NAP1L4: variants seen among roughly 807,000 people sequenced by gnomAD.
The protein encoded by NAP1L4 is nucleosome assembly protein 1 like 4, also known as nucleosome assembly protein 1-like 4.
A neutral mutation model predicts 58.2 loss-of-function variants in NAP1L4; 15 were observed. The ratio of observed to expected loss-of-function variants is 0.26; its 90% CI spans 0.17 to 0.40. NAP1L4 has a LOEUF of 0.40. NAP1L4 is among the 10% of genes least tolerant of loss of function. NAP1L4 has a pLI of 1.00. For missense variants in NAP1L4, 384 were observed against 451.1 expected (o/e 0.85, Z 1.35); for synonymous variants, 171 against 155.6 (o/e 1.10, Z -0.74).
intron 5 of NAP1L4, 56 bp downstream of exon 5, chr11:2,972,046 C>A (rs1195072846): frequency 2.6e-5 from 38 of 1,461,010 alleles, no homozygotes; most frequent in Non-Finnish European, 3.2e-5. Context: ...TTATCGGAAC[C>A]TAACACCTTC....
At position 2,971,966 on chromosome 11, in the gene NAP1L4, A is replaced by C; in HGVS notation, c.315+136T>G. 3.8e-5 allele frequency: 30 copies of C among 780,794 alleles called. No individual in the cohort carries two copies. Among genetic ancestry groups the C allele is most frequent in the Non-Finnish European group, 5.6e-5 (29 of 519,452 alleles). The allele number at this position is 780,794 out of a possible 1,614,324, so 48.4% of individuals were successfully genotyped here. A position where few individuals can be genotyped will look rare whatever the true frequency, so the allele number is the denominator to read the frequency against. On this transcript the variant is annotated intron_variant, in intron 5 of 15. Transcript: ENST00000380542. This position sits in a 1 kb window ranked among gnomAD's most constrained non-coding sequence, Gnocchi z 4.2. The stretch of plus-strand genomic sequence containing the variant: ...TTAGCGTTCTGAGCTTGTTTAAGGT[A>C]GTCTAGACTAAGCTATGTTTGGCAG...
Position 2,965,543 on chromosome 11 carries a change from C to A in NAP1L4, c.535-792G>T, listed in dbSNP as rs191066342. The stretch of plus-strand genomic sequence containing the variant: ...GACTGTATCCAAAACTCACAATACA[C>A]ACAGTCACTTCTTTATTTTTTTTGA... On this transcript the variant is annotated intron_variant, in intron 7 of 15. Coordinates refer to ENST00000380542, the MANE Select transcript of NAP1L4 (RefSeq NM_005969.4). 4.2e-3 allele frequency among the ~76,000 whole-genome samples: 636 copies of A among 152,254 alleles called. 4 individuals carry two copies. The highest frequency in any genetic ancestry group is 9.2e-3 in the Admixed American group (140 of 15,290).
At chr11:2,977,534 G>A (rs1473856793) in intron 3 of NAP1L4, among the ~76,000 whole-genome samples, 2 of 152,218 alleles carry the variant, frequency 1.3e-5, no homozygotes, top group Non-Finnish European at 2.9e-5. Flanking sequence ...AAGGTAGGGA[G>A]ATGACTCTAG....
chr11:2,990,709 T>A, intron 1 of NAP1L4: 1 of 160,536 alleles, frequency 6.2e-6, no homozygotes. Context: ...CTCGGACAAG[T>A]CATTATACCT....
At chr11:2,970,203 G>A (rs1316024728) in intron 6 of NAP1L4, among the ~76,000 whole-genome samples, 3 of 152,164 alleles carry the variant, frequency 2.0e-5, no homozygotes, top group East Asian at 1.9e-4. Context: ...TGCCACCGAC[G>A]CTGGGAAAGG....
At position 2,972,155 on chromosome 11, in the gene NAP1L4, C is replaced by A; in HGVS notation, c.262G>T (p.Val88Leu). The change falls in exon 5 of 16, where the codon GTA becomes TTA. Residue 88 changes from valine (V) to leucine (L), a missense_variant. Physicochemically the swap from Val to Leu is conservative, Grantham distance 32 (BLOSUM62 1). Coordinates refer to ENST00000380542, the MANE Select transcript of NAP1L4 (RefSeq NM_005969.4). ...GCATACTTTCTTTCCAAGTCATGTACCTCTTCATAGAACTTGGCTTCTATG... is the reference window on the plus strand; with the variant it reads ...GCATACTTTCTTTCCAAGTCATGTAACTCTTCATAGAACTTGGCTTCTATG... ...AHIEAKFYEEVHDLERKYAAL... is the reference protein window; with the variant it reads ...AHIEAKFYEELHDLERKYAAL... 6.2e-7 allele frequency: 1 copy of A among 1,606,524 alleles called. No homozygotes were observed. The highest frequency in any genetic ancestry group is 8.5e-7 in the Non-Finnish European group (1 of 1,177,854).
intron 10 of NAP1L4, among the ~76,000 whole-genome samples, chr11:2,957,986 G>A (rs1846642168): frequency 6.6e-6 from 1 of 152,224 alleles, no homozygotes; most frequent in Admixed American, 6.5e-5. Flanking sequence ...CTCCGAGGCT[G>A]GGAGTGGTCC....
chr11:2,951,860 C>T lies in NAP1L4; in HGVS notation c.1036-51G>A, dbSNP rs752897464. On this transcript the variant is annotated intron_variant, in intron 12 of 15. Transcript: ENST00000380542. This position sits in a 1 kb window ranked among gnomAD's most constrained non-coding sequence, Gnocchi z 4.0. ...TAGGTTTACAAAACATGACAGCAGC[C>T]TGCCCAAGACACCAGTCCCATCAAG... The T allele has an allele frequency of 1.9e-6, 3 of 1,560,182 alleles. No homozygotes were observed. The South Asian group carries it at 3.4e-5, about 17-fold the overall frequency.
In NAP1L4 at chr11:2,971,546, T is replaced by C. The variant is rs1847636988; in HGVS notation, c.316-12A>G. 1 of 1,608,542 alleles carries C rather than the reference T, an allele frequency of 6.2e-7. No individual in the cohort carries two copies. Among genetic ancestry groups the C allele is most frequent in the Non-Finnish European group, 8.5e-7 (1 of 1,176,440 alleles). ...ATAAATTCTCTTCTCTACATAAAAA[T>C]GAGACCTTATTAGAATTATGTTATT... On this transcript the variant is annotated splice_polypyrimidine_tract_variant and intron_variant, in intron 5 of 15. Transcript: ENST00000380542. This position sits in a 1 kb window ranked among gnomAD's most constrained non-coding sequence, Gnocchi z 4.2.
rs371544355 is a variant in NAP1L4, at chr11:2,948,485, G to A, written c.*32+742C>T. On this transcript the variant is annotated intron_variant, in intron 15 of 15. Coordinates refer to ENST00000380542, the MANE Select transcript of NAP1L4 (RefSeq NM_005969.4). This position sits in a 1 kb window ranked among gnomAD's most constrained non-coding sequence, Gnocchi z 5.1. ...CGAGTGCCACGAGTGAACAGGTCTC[G>A]TCACGGGCAAGAGCCTCTGTCTACT... 1.3e-4 allele frequency among the ~76,000 whole-genome samples: 20 copies of A among 152,280 alleles called. No individual in the cohort carries two copies. In the East Asian group the frequency reaches 3.3e-3, roughly 25 times the overall value.
intron 1 of NAP1L4, among the ~76,000 whole-genome samples, chr11:2,986,189 C>G (rs752217695): frequency 6.6e-6 from 1 of 151,918 alleles, no homozygotes; most frequent in Non-Finnish European, 1.5e-5. Context: ...GCCTGGCCAA[C>G]GTGGTGAAAT....
In NAP1L4 at chr11:2,955,340, G is replaced by A. The variant is rs1348686337; in HGVS notation, c.915+404C>T. On this transcript the variant is annotated intron_variant, in intron 11 of 15. Transcript: ENST00000380542. This position sits in a 1 kb window ranked among gnomAD's most constrained non-coding sequence, Gnocchi z 4.2. ...GCCTCCTGAGTAGCTGAGATTACAG[G>A]CGCTGCCACCGTGTCCAACTAATTT... 6.6e-6 allele frequency among the ~76,000 whole-genome samples: 1 copy of A among 151,892 alleles called. No homozygotes were observed. Among genetic ancestry groups the A allele is most frequent in the African/African-American group, 2.4e-5 (1 of 41,278 alleles).
At chr11:2,958,328 T>C in intron 10 of NAP1L4, 71 bp downstream of exon 10, 1 of 1,495,800 alleles carries the variant, frequency 6.7e-7, no homozygotes, top group South Asian at 1.1e-5. Context: ...CTCTGGGTGT[T>C]AGGAATCTAT....
Position 2,949,333 on chromosome 11 carries a change from G to C in NAP1L4, c.1123-69C>G. The C allele has an allele frequency of 7.6e-7, 1 of 1,311,322 alleles. No individual in the cohort carries two copies. The highest frequency in any genetic ancestry group is 1.1e-6 in the Non-Finnish European group (1 of 906,122). 81.2% of individuals were successfully genotyped at this position (1,311,322 alleles called of 1,614,324 possible). Reference sequence around the variant, plus strand: ...AAATGAAATGCACAAAATTATACAGGAGGAAACGGCCACAATTTCTCATGA... The same window carrying C: ...AAATGAAATGCACAAAATTATACAGCAGGAAACGGCCACAATTTCTCATGA... On this transcript the variant is annotated intron_variant, in intron 14 of 15. Coordinates refer to ENST00000380542, the MANE Select transcript of NAP1L4 (RefSeq NM_005969.4). The surrounding 1 kb of genome is among the most constrained non-coding windows in gnomAD (Gnocchi z 4.0).
In NAP1L4 at chr11:2,990,948, T is replaced by C. The variant is rs561122132; in HGVS notation, c.-18+1306A>G. ...AACCTAATCTACATATTTGTATATT[T>C]CTAAGGTAAGAGAATTTTTAAAAGT... On this transcript the variant is annotated intron_variant, in intron 1 of 15. Coordinates refer to ENST00000380542, the MANE Select transcript of NAP1L4 (RefSeq NM_005969.4). The C allele has an allele frequency of 9.7e-5, 35 of 362,540 alleles. 1 individual carries two copies. The highest frequency in any genetic ancestry group is 5.3e-4 in the South Asian group (27 of 50,810). 22.5% of individuals were successfully genotyped at this position (362,540 alleles called of 1,614,324 possible).
intron 3 of NAP1L4, 94 bp downstream of exon 3, chr11:2,978,190 A>G: frequency 8.6e-7 from 1 of 1,167,558 alleles, no homozygotes; most frequent in Non-Finnish European, 1.2e-6. Context: ...AAACCACTGC[A>G]GTACAGGAAT....
chr11:2,951,749 G>T lies in NAP1L4; in HGVS notation c.1065+31C>A, dbSNP rs765374599. 3 of 1,611,300 alleles carry T rather than the reference G, an allele frequency of 1.9e-6. No individual in the cohort carries two copies. The highest frequency in any genetic ancestry group is 3.3e-5 in the Admixed American group (2 of 60,008). ...AAGCCAAAGAAACAACTTCAGGGAG[G>T]TAAGTGGCACTGCATAAACCTGTCT... On this transcript the variant is annotated intron_variant, in intron 13 of 15. Coordinates refer to ENST00000380542, the MANE Select transcript of NAP1L4 (RefSeq NM_005969.4). This position sits in a 1 kb window ranked among gnomAD's most constrained non-coding sequence, Gnocchi z 4.0.
At chr11:2,952,320 T>C (rs143790372) in intron 12 of NAP1L4, 1 of 155,570 alleles carries the variant, frequency 6.4e-6, no homozygotes, top group East Asian at 1.9e-4. Flanking sequence ...AATAAGGTGC[T>C]CAAAGGTGAA....
rs184401505 is a variant in NAP1L4 at position 2,959,418 on chromosome 11, T to C, written c.746+352A>G. Reference sequence around the variant, plus strand: ...TAGCCCTGGACTCAGACTCATTCATTCAATAAGTATTTATTTGCTGAGGGT... The same window carrying C: ...TAGCCCTGGACTCAGACTCATTCATCCAATAAGTATTTATTTGCTGAGGGT... On this transcript the variant is annotated intron_variant, in intron 9 of 15. Coordinates refer to ENST00000380542, the MANE Select transcript of NAP1L4 (RefSeq NM_005969.4). The surrounding 1 kb of genome is among the most constrained non-coding windows in gnomAD (Gnocchi z 4.9). Among the ~76,000 whole-genome samples, 22 of 152,348 alleles carry C rather than the reference T, an allele frequency of 1.4e-4. No individual in the cohort carries two copies. In the East Asian group the frequency reaches 4.2e-3, roughly 29 times the overall value.
Sources: allele counts gnomAD v4.1 joint callset (sites outside exome capture counted in the v4.1 genomes callset), GRCh38; gene constraint gnomAD v4.1.1; non-coding constraint Gnocchi (gnomAD v3.1); transcripts MANE v1.5; gene names NCBI Gene and HGNC (gene_info 2026-07-23, HGNC 2026-07-21).